Variants in TMPRSS9 observed in about 807,000 individuals in gnomAD.
The protein encoded by TMPRSS9 is transmembrane protease serine 9.
TMPRSS9 carries 113 observed loss-of-function variants against 111.4 expected under a neutral mutation model. The observed-to-expected ratio is 1.01, with a 90% confidence interval of 0.87 to 1.19. The LOEUF (loss-of-function observed/expected upper bound fraction) is 1.19. Ranked by LOEUF, TMPRSS9 falls within the 50% of genes most tolerant of loss-of-function variation. The probability of loss-of-function intolerance (pLI) is 0.00; values close to 1 mark genes in which losing one functional copy is unlikely to be tolerated. For synonymous variants in TMPRSS9, 805 were observed against 659.1 expected, an observed-to-expected ratio of 1.22 and a Z score of -3.39; for missense variants, 1,803 against 1,513.1, an observed-to-expected ratio of 1.19 and a Z score of -3.18.
chr19:2,405,396 G>T, exon 7 of TMPRSS9: 3 of 1,604,282 alleles, frequency 1.9e-6, no homozygotes, highest in Non-Finnish European at 2.5e-6. Flanking sequence ...AGCCTGCCTG[G>T]AGGATGGCCG....
chr19:2,425,201 C>T lies in TMPRSS9; in HGVS notation c.2917C>T (p.Pro973Ser). ...GGTGCGTCCCATCTGCCTGCCCGAG[C>T]CCGCGCCGCGACCCCCGGACGGCAC... Residue 973 changes from proline (P) to serine (S), a missense_variant, in exon 16 of 18, where the codon CCC becomes TCC. Physicochemically the swap from Pro to Ser is moderately conservative, Grantham distance 74. Coordinates refer to ENST00000648592, the Ensembl canonical transcript of TMPRSS9. The T allele has an allele frequency of 1.3e-6, 2 of 1,514,666 alleles. No homozygotes were observed. Among genetic ancestry groups the T allele is most frequent in the Non-Finnish European group, 1.8e-6 (2 of 1,136,234 alleles). 93.8% of individuals were successfully genotyped at this position (1,514,666 alleles called of 1,614,324 possible).
rs146586207 is a variant in TMPRSS9 at position 2,396,641 on chromosome 19, C to G, written c.245C>G (p.Thr82Arg). The G allele has an allele frequency of 4.4e-6, 7 of 1,607,740 alleles. No homozygotes were observed. The Admixed American group carries it at 1.2e-4, about 27-fold the overall frequency. Residue 82 changes from threonine to arginine, a missense_variant, in exon 2 of 18, where the codon ACG becomes AGG. Physicochemically the swap from Thr to Arg is moderately conservative, Grantham distance 71 (BLOSUM62 -1). Transcript: ENST00000648592. The stretch of plus-strand genomic sequence containing the variant: ...CGGGAGACCTCGGACTATCACCGCA[C>G]GCTGACGCCCACCCTGGAGGCACTG...
chr19:2,414,462 A>T (rs2145371578), intron 10 of TMPRSS9, among the ~76,000 whole-genome samples: 1 of 151,674 alleles, frequency 6.6e-6, no homozygotes, highest in East Asian at 2.0e-4. Flanking sequence ...CTGGCCTCGA[A>T]CTCCTGACTT....
At chr19:2,417,519 A>G (rs1267202964) in intron 12 of TMPRSS9, among the ~76,000 whole-genome samples, 4 of 151,788 alleles carry the variant, frequency 2.6e-5, no homozygotes, top group African/African-American at 9.7e-5. Context: ...ATGGTGGCAC[A>G]TGCCTGTAGT....
intron 1 of TMPRSS9, among the ~76,000 whole-genome samples, chr19:2,373,681 G>A (rs1308366974): frequency 6.6e-6 from 1 of 152,110 alleles, no homozygotes; most frequent in African/African-American, 2.4e-5. Flanking sequence ...CGTATTTTTA[G>A]TAGAGACGGG....
chr19:2,386,333 G>A (rs556921377), upstream of TMPRSS9, among the ~76,000 whole-genome samples: 62 of 151,494 alleles, frequency 4.1e-4, no homozygotes, highest in African/African-American at 1.3e-3. Flanking sequence ...GTGAAACCCC[G>A]TCTCTACTAA....
intron 1 of TMPRSS9, among the ~76,000 whole-genome samples, chr19:2,375,695 T>C (rs190138809): frequency 8.5e-5 from 13 of 152,282 alleles, no homozygotes; most frequent in African/African-American, 3.1e-4. Flanking sequence ...AACACTGTGA[T>C]TGGCAGACCT....
intron 13 of TMPRSS9, among the ~76,000 whole-genome samples, chr19:2,420,826 A>G (rs999964346): frequency 2.0e-5 from 3 of 152,234 alleles, no homozygotes; most frequent in African/African-American, 7.2e-5. Flanking sequence ...TAAAAATAGA[A>G]TAATAGGTAT....
chr19:2,424,341 C>A, intron 15 of TMPRSS9, 84 bp downstream of exon 16: 2 of 1,253,150 alleles, frequency 1.6e-6, no homozygotes, highest in Admixed American at 4.1e-5. Flanking sequence ...GCACCCTGAC[C>A]CCCTCCTTTG....
intron 2 of TMPRSS9, among the ~76,000 whole-genome samples, chr19:2,397,674 C>G (rs1970738902): frequency 6.6e-6 from 1 of 151,146 alleles, no homozygotes; most frequent in Non-Finnish European, 1.5e-5. Flanking sequence ...AATCCCAGCA[C>G]TTTGGGAGGC....
intron 8 of TMPRSS9, among the ~76,000 whole-genome samples, chr19:2,409,132 T>C (rs1971043048): frequency 1.3e-5 from 2 of 148,552 alleles, no homozygotes; most frequent in Non-Finnish European, 3.0e-5. Context: ...TCATCGATGC[T>C]ACTGCGATTT....
intron 9 of TMPRSS9, among the ~76,000 whole-genome samples, chr19:2,412,179 A>G (rs1971110173): frequency 6.6e-6 from 1 of 152,118 alleles, no homozygotes; most frequent in Non-Finnish European, 1.5e-5. Context: ...AGGTCGCTTG[A>G]GGCCAGGAGT....
At chr19:2,393,928 C>G (rs918326831) in intron 1 of TMPRSS9, among the ~76,000 whole-genome samples, 1 of 141,910 alleles carries the variant, frequency 7.0e-6, no homozygotes, top group Non-Finnish European at 1.5e-5. Flanking sequence ...AAAAGCTGGG[C>G]GCGGTGGCTC....
rs1970253620 is a variant in TMPRSS9 at position 2,367,123 on chromosome 19, T to G, written c.-26+6763T>G. ...AACCTCAGAAGCCTAGATCCATTGC[T>G]TCTGGTATATTCTATTCATTACAAG... On this transcript the variant is annotated intron_variant, in intron 1 of 17. Transcript: ENST00000649857. 2.0e-5 allele frequency among the ~76,000 whole-genome samples: 3 copies of G among 152,200 alleles called. No homozygotes were observed. The South Asian group carries it at 6.2e-4, about 32-fold the overall frequency.
intron 13 of TMPRSS9, among the ~76,000 whole-genome samples, chr19:2,420,175 C>A (rs561817131): frequency 4.0e-5 from 6 of 149,944 alleles, no homozygotes; most frequent in Middle Eastern, 3.5e-3. Flanking sequence ...AAACGAAGGG[C>A]GGGTGCAGTG....
chr19:2,373,243 AT>A (rs1337086880), intron 1 of TMPRSS9, among the ~76,000 whole-genome samples: 1 of 151,632 alleles, frequency 6.6e-6, no homozygotes, highest in Non-Finnish European at 1.5e-5. Context: ...ATATTTATTG[AT>A]TTTTGAGACA....
intron 1 of TMPRSS9, among the ~76,000 whole-genome samples, chr19:2,383,565 G>A (rs1232059868): frequency 1.4e-5 from 2 of 138,664 alleles, no homozygotes; most frequent in Non-Finnish European, 3.1e-5. Context: ...TTGAGCTCTG[G>A]GCTCCAGTGA....
Position 2,399,013 on chromosome 19 carries a change from T to C in TMPRSS9, c.339-5T>C, listed in dbSNP as rs1274615167. 6.2e-7 allele frequency: 1 copy of C among 1,609,416 alleles called. No homozygotes were observed. The highest frequency in any genetic ancestry group is 8.5e-7 in the Non-Finnish European group (1 of 1,179,392). On this transcript the variant is annotated splice_region_variant and splice_polypyrimidine_tract_variant and intron_variant, in intron 3 of 17. Coordinates refer to ENST00000648592, the Ensembl canonical transcript of TMPRSS9. The stretch of plus-strand genomic sequence containing the variant: ...TCTCCAAGGGCCTCTCCTCCATACC[T>C]GTAGGGATGGGAACTCCAGTGTCCT...
intron 1 of TMPRSS9, among the ~76,000 whole-genome samples, chr19:2,392,952 G>A (rs1775066694): frequency 6.6e-6 from 1 of 152,170 alleles, no homozygotes. Flanking sequence ...TTTGTGTCTA[G>A]CTAAAGATTT....
Sources: gnomAD v4.1 joint callset for allele counts (sites outside exome capture counted in the v4.1 genomes callset) on GRCh38, gnomAD v4.1.1 for gene constraint, MANE v1.5 for transcripts, NCBI Gene and HGNC (gene_info 2026-07-23, HGNC 2026-07-21) for gene names.